The following FLNC variants were observed in gnomAD, a reference collection of about 807,000 sequenced individuals.
FLNC encodes filamin-C.
FLNC carries 91 observed loss-of-function variants against 254.3 expected under a neutral mutation model. The observed-to-expected ratio is 0.36, with a 90% CI of 0.30 to 0.43. The LOEUF is 0.43. Among genes scored for constraint, FLNC ranks in the 20% least tolerant of loss-of-function variants. FLNC has a pLI of 1.00. For missense variants in FLNC, 2,853 were observed against 3,802.6 expected (o/e 0.75, Z 6.57); for synonymous variants, 1,430 against 1,577.2 (o/e 0.91, Z 2.21).
At position 128,853,827 on chromosome 7, in the gene FLNC, C is replaced by T; in HGVS notation, c.6474C>T (p.Leu2158=). 1 of 1,613,444 alleles carries T rather than the reference C, an allele frequency of 6.2e-7. No individual in the cohort carries two copies. The highest frequency in any genetic ancestry group is 1.1e-5 in the South Asian group (1 of 91,078). The change falls in exon 39 of 48, where the codon CTC becomes CTT. Residue 2158 remains leucine (L), a synonymous_variant. Transcript: ENST00000325888. ...ATIGSTCDLN[L]KIPGNWFQMV... ...TCGGCAGCACCTGTGACCTCAACCT[C>T]AAGATCCCAGGTAGAAGCCTGGAGG... is the stretch of plus-strand genomic sequence containing the variant.
In FLNC at chr7:128,854,775, C is replaced by G. The variant is rs1271640916; in HGVS notation, c.6998C>G (p.Ala2333Gly). The change falls in exon 42 of 48, where the codon GCC becomes GGC. Residue 2333 changes from alanine to glycine, a missense_variant and splice_region_variant. Around this residue, in one of 10 missense-constraint regions of FLNC, gnomAD observed 551 missense variants for 835.0 expected, o/e 0.66. Coordinates refer to ENST00000325888, the MANE Select transcript of FLNC (RefSeq NM_001458.5). ...GLERGVAGVP[A>G]EFSIWTREAG... ...AGTCCACTACCTTGCCTGTCCCCAG[C>G]CGAGTTCAGCATCTGGACCCGGGAG... The G allele has an allele frequency of 1.2e-6, 2 of 1,613,984 alleles. No individual in the cohort carries two copies. Among genetic ancestry groups the G allele is most frequent in the East Asian group, 4.5e-5 (2 of 44,902 alleles).
intron 8 of FLNC, 54 bp downstream of exon 8, chr7:128,838,857 C>T (rs1249659768): frequency 1.3e-6 from 2 of 1,543,834 alleles, no homozygotes; most frequent in Non-Finnish European, 8.9e-7. Context: ...CAGAGGCTTG[C>T]AAGGGGCAGG....
At chr7:128,846,514 C>T (rs1450862361) in intron 23 of FLNC, 51 bp downstream of exon 23, 2 of 1,589,970 alleles carry the variant, frequency 1.3e-6, no homozygotes, top group Non-Finnish European at 1.7e-6. Context: ...TTCCCAGCCC[C>T]TGGCCCTCCT....
At chr7:128,840,789 TG>T in intron 10 of FLNC, 44 bp from the exon 11 acceptor site, 1 of 1,613,450 alleles carries the variant, frequency 6.2e-7, no homozygotes, top group Non-Finnish European at 8.5e-7. Flanking sequence ...CGAGGGACTT[TG>T]GGGGGCACTT....
At position 128,843,349 on chromosome 7, in the gene FLNC, C is replaced by T. The variant is rs374824640; in HGVS notation, c.2641+30C>T. 45 of 1,612,500 alleles carry T rather than the reference C, an allele frequency of 2.8e-5. No homozygotes were observed. In the African/African-American group the frequency reaches 5.5e-4, roughly 20 times the overall value. ...GTGTCTGGGCAGGGGCTGGGACTGG[C>T]TCGAGGTTGGGGTTAGGTGGCTGCC... On this transcript the variant is annotated intron_variant, in intron 17 of 47. Coordinates refer to ENST00000325888, the MANE Select transcript of FLNC (RefSeq NM_001458.5).
chr7:128,854,274 G>T, intron 40 of FLNC, 58 bp downstream of exon 40: 1 of 1,604,930 alleles, frequency 6.2e-7, no homozygotes, highest in South Asian at 1.1e-5. Flanking sequence ...GGGTGCTGCG[G>T]ACCAGGCTTG....
intron 24 of FLNC, 116 bp downstream of exon 24, chr7:128,847,021 C>T: frequency 2.2e-6 from 3 of 1,364,186 alleles, no homozygotes; most frequent in Non-Finnish European, 3.1e-6. Flanking sequence ...AGAGGACAGC[C>T]TAGAGTGGGT....
Position 128,849,458 on chromosome 7 carries a change from T to G in FLNC, c.5079T>G (p.Asp1693Glu), listed in dbSNP as rs1457533109. Reference sequence around the variant, plus strand: ...CGGATGGGGCAGAGCTCGATGTGGATGTGGTTGAGAACCATGACGGTACCT... The same window carrying G: ...CGGATGGGGCAGAGCTCGATGTGGAGGTGGTTGAGAACCATGACGGTACCT... The part of the protein sequence containing the change: ...STPDGAELDV[D>E]VVENHDGTFD... The change falls in exon 30 of 48, where the codon GAT becomes GAG. Residue 1693 changes from aspartate (D) to glutamate (E), a missense_variant. Physicochemically the swap from Asp to Glu is conservative, Grantham distance 45 (BLOSUM62 2). Around this residue, in one of 10 missense-constraint regions of FLNC, gnomAD observed 258 missense variants for 312.3 expected, o/e 0.83. Transcript: ENST00000325888. 1 of 1,614,074 alleles carries G rather than the reference T, an allele frequency of 6.2e-7. No individual in the cohort carries two copies. Among genetic ancestry groups the G allele is most frequent in the East Asian group, 2.2e-5 (1 of 44,894 alleles).
At chr7:128,833,580 C>G (rs1428767354) in intron 1 of FLNC, among the ~76,000 whole-genome samples, 1 of 152,034 alleles carries the variant, frequency 6.6e-6, no homozygotes, top group African/African-American at 2.4e-5. Context: ...ACTTCCCTCT[C>G]CAGCAAATAT....
chr7:128,852,512 C>G (rs1808861341), intron 35 of FLNC, 79 bp from the exon 36 acceptor site: 1 of 1,554,868 alleles, frequency 6.4e-7, no homozygotes, highest in South Asian at 1.1e-5. Context: ...GGGGGGGCTG[C>G]TCAGGAGGGT....
At chr7:128,849,253 G>C (rs756371327) in intron 29 of FLNC, 49 bp downstream of exon 29, 3 of 1,614,098 alleles carry the variant, frequency 1.9e-6, no homozygotes, top group Non-Finnish European at 2.5e-6. Flanking sequence ...GGTGGTTGGC[G>C]GTAGGGGGCG....
Position 128,856,678 on chromosome 7 carries a change from C to T in FLNC, c.7384+28C>T, listed in dbSNP as rs1028265231. 1.2e-6 allele frequency: 2 copies of T among 1,613,762 alleles called. No homozygotes were observed. Among genetic ancestry groups the T allele is most frequent in the Admixed American group, 3.3e-5 (2 of 60,022 alleles). On this transcript the variant is annotated intron_variant, in intron 44 of 47. Transcript: ENST00000325888. The surrounding 1 kb of genome is among the most constrained non-coding windows in gnomAD (Gnocchi z 5.9). The stretch of plus-strand genomic sequence containing the variant: ...GAGCTGGCCCTGCCCCTGCCAACTC[C>T]CTTCCGGGCTGGGGCCTTCTGGGGA...
intron 21 of FLNC, among the ~76,000 whole-genome samples, 186 bp downstream of exon 21, chr7:128,845,441 G>C (rs1808520808): frequency 6.6e-6 from 1 of 152,154 alleles, no homozygotes; most frequent in African/African-American, 2.4e-5. Context: ...GGAAGACCGG[G>C]GGTGGAGATT....
chr7:128,850,544 T>A, intron 32 of FLNC, 61 bp downstream of exon 32: 1 of 1,399,304 alleles, frequency 7.1e-7, no homozygotes, highest in Non-Finnish European at 1.0e-6. Flanking sequence ...CCAGGCCCAG[T>A]CCTGTGTCTT....
chr7:128,845,221 C>T lies in FLNC; in HGVS notation c.3756C>T (p.Gly1252=), dbSNP rs113589230. 5.9e-5 allele frequency: 95 copies of T among 1,613,814 alleles called. No homozygotes were observed. The highest frequency in any genetic ancestry group is 5.2e-4 in the South Asian group (47 of 91,074). The stretch of plus-strand genomic sequence containing the variant: ...TGCAGCCTGCGGTCGATACCAGTGG[C>T]GTCAAGGTCTCAGGGCCTGGTGTTG... The part of the protein sequence containing the change: ...VHVQPAVDTS[G]VKVSGPGVEP... Residue 1252 remains glycine, a synonymous_variant, in exon 21 of 48, where the codon GGC becomes GGT. Coordinates refer to ENST00000325888, the MANE Select transcript of FLNC (RefSeq NM_001458.5).
At chr7:128,848,538 G>A in intron 26 of FLNC, 23 bp from the exon 27 acceptor site, 1 of 1,613,328 alleles carries the variant, frequency 6.2e-7, no homozygotes, top group South Asian at 1.1e-5. Context: ...CCAGCCAACT[G>A]TTTATCCCTT....
At chr7:128,839,611 A>T (rs942383005) in intron 8 of FLNC, among the ~76,000 whole-genome samples, 2 of 152,156 alleles carry the variant, frequency 1.3e-5, no homozygotes, top group African/African-American at 4.8e-5. Context: ...GCAGGCTTCG[A>T]GTTCTATGAA....
chr7:128,841,215 A>G lies in FLNC; in HGVS notation c.1859A>G (p.Asp620Gly), dbSNP rs760105162. 1 of 1,614,018 alleles carries G rather than the reference A, an allele frequency of 6.2e-7. No homozygotes were observed. The highest frequency in any genetic ancestry group is 1.1e-5 in the South Asian group (1 of 91,076). ...GPSQAKIECDDKGDGSCDVRY... is the reference protein window; with the variant it reads ...GPSQAKIECDGKGDGSCDVRY... Reference sequence around the variant, plus strand: ...TCACAAGCCAAGATCGAATGTGACGACAAGGGGGATGGCTCCTGCGATGTG... The same window carrying G: ...TCACAAGCCAAGATCGAATGTGACGGCAAGGGGGATGGCTCCTGCGATGTG... The change falls in exon 12 of 48, where the codon GAC becomes GGC. Residue 620 changes from aspartate (D) to glycine (G), a missense_variant. By Grantham distance (94) the Asp-to-Gly change is moderately conservative. This residue lies in a region of FLNC where 1,573 missense variants were observed against 1,883.5 expected (regional missense o/e 0.84). Coordinates refer to ENST00000325888, the MANE Select transcript of FLNC (RefSeq NM_001458.5). This position sits in a 1 kb window ranked among gnomAD's most constrained non-coding sequence, Gnocchi z 4.3.
intron 30 of FLNC, among the ~76,000 whole-genome samples, 159 bp downstream of exon 30, chr7:128,849,737 A>G (rs1808724929): frequency 6.6e-6 from 1 of 152,140 alleles, no homozygotes. Context: ...CTTTCCCCAC[A>G]GCACCCCCGA....
Sources: gnomAD v4.1 joint callset for allele counts (sites outside exome capture counted in the v4.1 genomes callset) on GRCh38, gnomAD v4.1.1 for gene constraint, gnomAD v4.1.1 regional missense constraint, Gnocchi (gnomAD v3.1) non-coding constraint, MANE v1.5 for transcripts, NCBI Gene and HGNC (gene_info 2026-07-23, HGNC 2026-07-21) for gene names.